The following YAE1 variants were observed in gnomAD, a reference collection of about 807,000 sequenced individuals.
YAE1 encodes the protein YAE1 maturation factor of ABCE1.
YAE1 carries 22 observed loss-of-function variants against 23.0 expected under a neutral mutation model. The observed-to-expected ratio is 0.96, with a 90% CI of 0.68 to 1.37. The LOEUF is 1.37. YAE1 is among the 40% of genes most tolerant of loss of function. YAE1 has a pLI of 0.00. For synonymous variants in YAE1, 101 were observed against 97.0 expected (o/e 1.04, Z -0.24); for missense variants, 260 against 262.1 (o/e 0.99, Z 0.06).
At chr7:39,581,059 T>C (rs1790734885) in intron 2 of YAE1, among the ~76,000 whole-genome samples, 8 of 152,146 alleles carry the variant, frequency 5.3e-5, no homozygotes, top group Admixed American at 5.2e-4. Flanking sequence ...GATCTCACTC[T>C]CTCTTTTTCT....
chr7:39,611,695 T>C (rs1296354195), downstream of YAE1, among the ~76,000 whole-genome samples: 1 of 152,098 alleles, frequency 6.6e-6, no homozygotes, highest in Admixed American at 6.5e-5. Context: ...TTGTGAGGAG[T>C]TGGGAGTTAA....
chr7:39,579,702 T>G (rs544144027), intron 2 of YAE1, among the ~76,000 whole-genome samples: 1 of 151,854 alleles, frequency 6.6e-6, no homozygotes, highest in East Asian at 1.9e-4. Context: ...TCTGCATTTT[T>G]CAAGTCTTCC....
At chr7:39,591,866 C>A (rs779694225) in intron 2 of YAE1, among the ~76,000 whole-genome samples, 1 of 152,184 alleles carries the variant, frequency 6.6e-6, no homozygotes, top group African/African-American at 2.4e-5. Flanking sequence ...TCCTGGCAAC[C>A]ACTGATCTTT....
chr7:39,593,360 T>G (rs1790929742), intron 2 of YAE1, among the ~76,000 whole-genome samples: 1 of 151,794 alleles, frequency 6.6e-6, no homozygotes, highest in Admixed American at 6.6e-5. Flanking sequence ...AATTGTTGTA[T>G]TTTTAGTAGA....
intron 2 of YAE1, among the ~76,000 whole-genome samples, chr7:39,592,056 T>G (rs1223709328): frequency 6.6e-6 from 1 of 152,244 alleles, no homozygotes; most frequent in East Asian, 1.9e-4. Flanking sequence ...TAGTTGATAT[T>G]TCACAGTCAT....
At chr7:39,575,589 T>TATA (rs1790646321), downstream of YAE1, among the ~76,000 whole-genome samples, 1 of 147,640 alleles carries the variant, frequency 6.8e-6, no homozygotes, top group African/African-American at 2.5e-5. Context: ...TGAGTGTGTG[T>TATA]GTGTGTATAG....
downstream of YAE1, among the ~76,000 whole-genome samples, chr7:39,575,626 G>C (rs1790647074): frequency 6.6e-6 from 1 of 151,084 alleles, no homozygotes; most frequent in Non-Finnish European, 1.5e-5. Flanking sequence ...CAGGCTTCTT[G>C]TTCTACAGAA....
At chr7:39,567,646 GA>G (rs1372301125) in intron 1 of YAE1, among the ~76,000 whole-genome samples, 22 of 152,072 alleles carry the variant, frequency 1.4e-4, no homozygotes, top group Admixed American at 1.4e-3. Flanking sequence ...GAAGTGATTA[GA>G]AAAGTTTATT....
At position 39,601,487 on chromosome 7, in the gene YAE1, C is replaced by T. The variant is rs560900745; in HGVS notation, c.252-8130C>T. 3.3e-5 allele frequency among the ~76,000 whole-genome samples: 5 copies of T among 152,164 alleles called. No individual in the cohort carries two copies. The East Asian group carries it at 7.7e-4, about 24-fold the overall frequency. ...ACAATAAACTATAAAGGGCCGGGCA[C>T]GGTGGTTCACGCCTGTAATCCCAGC... is the stretch of plus-strand genomic sequence containing the variant. On this transcript the variant is annotated intron_variant, in intron 2 of 2. Coordinates refer to the YAE1 transcript ENST00000432096.
chr7:39,570,617 G>C lies in YAE1; in HGVS notation c.241G>C (p.Gly81Arg). Residue 81 changes from glycine to arginine, a missense_variant, in exon 2 of 3, where the codon GGA (glycine) becomes CGA (arginine). Transcript: ENST00000223273. ...EVILNYGRLR[G>R]TLSALLSWCH... ...CATTTTAAACTATGGACGACTCCGA[G>C]GAACATTGAGGTAATTTTTAAAGTC... 1 of 1,591,222 alleles carries C rather than the reference G, an allele frequency of 6.3e-7. No homozygotes were observed. The highest frequency in any genetic ancestry group is 8.5e-7 in the Non-Finnish European group (1 of 1,175,048).
At chr7:39,576,693 T>C (rs913030781), downstream of YAE1, among the ~76,000 whole-genome samples, 2 of 152,140 alleles carry the variant, frequency 1.3e-5, no homozygotes, top group African/African-American at 4.8e-5. Flanking sequence ...TCACTTTGAG[T>C]GTCTCTTCAC....
At chr7:39,595,618 A>C (rs945346046) in intron 2 of YAE1, among the ~76,000 whole-genome samples, 1 of 152,240 alleles carries the variant, frequency 6.6e-6, no homozygotes, top group Non-Finnish European at 1.5e-5. Flanking sequence ...AATGAATAAT[A>C]TCTGAATGAA....
chr7:39,575,571 A>AGAGAGAGAGAGT (rs1790643346), downstream of YAE1, among the ~76,000 whole-genome samples: 1 of 92,998 alleles, frequency 1.1e-5, no homozygotes, highest in Non-Finnish European at 2.0e-5. Flanking sequence ...AGAGAGAGAG[A>AGAGAGAGAGAGT]GAGAGAGTGA....
At chr7:39,607,579 A>G (rs1791148195) in intron 2 of YAE1, among the ~76,000 whole-genome samples, 1 of 152,242 alleles carries the variant, frequency 6.6e-6, no homozygotes, top group Non-Finnish European at 1.5e-5. Flanking sequence ...GAACTCTAAG[A>G]TAATACACTT....
At chr7:39,568,831 A>G (rs1286010760) in intron 1 of YAE1, among the ~76,000 whole-genome samples, 2 of 152,340 alleles carry the variant, frequency 1.3e-5, no homozygotes, top group Middle Eastern at 3.4e-3. Flanking sequence ...GAAAACTGCA[A>G]CTAATTAATG....
chr7:39,569,650 A>G, intron 1 of YAE1: 1 of 662,278 alleles, frequency 1.5e-6, no homozygotes, highest in East Asian at 3.2e-5. Flanking sequence ...GCTAAAGGAA[A>G]AACAGCATAT....
downstream of YAE1, chr7:39,572,992 G>A: frequency 1.4e-6 from 1 of 698,192 alleles, no homozygotes; most frequent in African/African-American, 1.9e-5. Flanking sequence ...AGACTCATTA[G>A]CAAAAGTGAA....
At chr7:39,572,987 CATT>C, downstream of YAE1, 4 of 747,442 alleles carry the variant, frequency 5.4e-6, no homozygotes, top group Non-Finnish European at 6.8e-6. Context: ...TTTTCAGACT[CATT>C]AGCAAAAGTG....
intron 2 of YAE1, among the ~76,000 whole-genome samples, chr7:39,581,154 C>CAGA (rs1790736392): frequency 6.6e-6 from 1 of 152,240 alleles, no homozygotes; most frequent in South Asian, 2.1e-4. Context: ...TATCACAACT[C>CAGA]TTCTCTTTTT....
Sources: allele counts gnomAD v4.1 joint callset (sites outside exome capture counted in the v4.1 genomes callset), GRCh38; gene constraint gnomAD v4.1.1; transcripts MANE v1.5; gene names NCBI Gene and HGNC (gene_info 2026-07-23, HGNC 2026-07-21).